Variants in DPP6 observed in about 807,000 individuals in gnomAD.
The protein encoded by DPP6 is A-type potassium channel modulatory protein DPP6.
Under a neutral mutation model 122.6 loss-of-function variants are expected in DPP6, and 69 were observed. The observed-to-expected ratio is 0.56, with a 90% CI of 0.46 to 0.69. The LOEUF is 0.69. Among genes scored for constraint, DPP6 ranks in the 30% least tolerant of loss-of-function variants. DPP6 has a pLI of 0.00. For synonymous variants in DPP6, 418 were observed against 433.1 expected, an observed-to-expected ratio of 0.97 and a Z score of 0.43; for missense variants, 928 against 1,116.9, an observed-to-expected ratio of 0.83 and a Z score of 2.41.
chr7:154,824,122 G>T (rs1799981288), intron 16 of DPP6, among the ~76,000 whole-genome samples: 1 of 152,186 alleles, frequency 6.6e-6, no homozygotes, highest in Non-Finnish European at 1.5e-5. Context: ...AGGAAACAGT[G>T]CTGCTTGACT....
At chr7:154,283,290 A>C (rs1180932504) in intron 1 of DPP6, among the ~76,000 whole-genome samples, 1 of 152,164 alleles carries the variant, frequency 6.6e-6, no homozygotes, top group African/African-American at 2.4e-5. Context: ...AGCTGTGTAA[A>C]CTTGAGCAAG....
the DPP6 span, among the ~76,000 whole-genome samples, chr7:153,801,267 T>G: frequency 0.97 from 133,736 of 137,366 alleles, 65,145 homozygotes; most frequent in East Asian, 1. Context: ...AATGTATCTA[T>G]CACTCATGAG....
At chr7:153,867,314 C>T in the DPP6 span, among the ~76,000 whole-genome samples, 1 of 152,176 alleles carries the variant, frequency 6.6e-6, no homozygotes, top group African/African-American at 2.4e-5. Context: ...TTCATATCCT[C>T]TTTTATTTCA....
intron 8 of DPP6, among the ~76,000 whole-genome samples, chr7:154,742,050 C>G (rs2131415757): frequency 6.6e-6 from 1 of 152,338 alleles, no homozygotes; most frequent in South Asian, 2.1e-4. Context: ...GGATGAGTCA[C>G]TATGGATTGC....
intron 1 of DPP6, among the ~76,000 whole-genome samples, chr7:154,412,398 C>T (rs1024494129): frequency 6.6e-6 from 1 of 152,148 alleles, no homozygotes; most frequent in Non-Finnish European, 1.5e-5. Flanking sequence ...TGGCTGGGTC[C>T]TCACCTGTCC....
chr7:154,762,902 A>C (rs1795648522), intron 8 of DPP6, among the ~76,000 whole-genome samples: 1 of 152,240 alleles, frequency 6.6e-6, no homozygotes, highest in African/African-American at 2.4e-5. Flanking sequence ...CCGATGGTGC[A>C]ATGAAACAGC....
At chr7:154,328,555 G>A (rs1808643306) in intron 1 of DPP6, among the ~76,000 whole-genome samples, 1 of 152,172 alleles carries the variant, frequency 6.6e-6, no homozygotes, top group Admixed American at 6.5e-5. Context: ...GCCTGGTGTT[G>A]TCTAAAGTAG....
chr7:154,076,864 C>T (rs919280437), intron 1 of DPP6, among the ~76,000 whole-genome samples: 4 of 151,118 alleles, frequency 2.6e-5, no homozygotes, highest in African/African-American at 9.7e-5. Flanking sequence ...AGGAATACAG[C>T]GCTTTGAAAC....
intron 16 of DPP6, among the ~76,000 whole-genome samples, chr7:154,839,425 G>C (rs530782761): frequency 9.8e-5 from 15 of 152,374 alleles, no homozygotes; most frequent in Admixed American, 7.8e-4. Flanking sequence ...TGTGGCCAAA[G>C]TGCCTGGCTT....
At chr7:154,830,700 G>A (rs1351964127) in intron 16 of DPP6, among the ~76,000 whole-genome samples, 1 of 152,224 alleles carries the variant, frequency 6.6e-6, no homozygotes, top group Non-Finnish European at 1.5e-5. Flanking sequence ...ATTTTGATCA[G>A]ATGGCTTGCA....
chr7:154,448,312 A>G (rs1435434449), intron 2 of DPP6, among the ~76,000 whole-genome samples: 1 of 152,224 alleles, frequency 6.6e-6, no homozygotes, highest in Non-Finnish European at 1.5e-5. Flanking sequence ...AAAATTAAGA[A>G]AATGATTCCA....
chr7:153,953,894 G>C (rs1802336402), intron 1 of DPP6, among the ~76,000 whole-genome samples: 1 of 152,156 alleles, frequency 6.6e-6, no homozygotes, highest in African/African-American at 2.4e-5. Context: ...CTGAAATCTG[G>C]AGGGCAGCCT....
intron 1 of DPP6, among the ~76,000 whole-genome samples, chr7:153,982,248 A>G (rs1796623707): frequency 6.6e-6 from 1 of 151,462 alleles, no homozygotes; most frequent in Non-Finnish European, 1.5e-5. Flanking sequence ...GTTTCTTTTC[A>G]TTCTTTTTTC....
At chr7:154,436,148 GT>G (rs1202623334) in intron 1 of DPP6, among the ~76,000 whole-genome samples, 1 of 151,532 alleles carries the variant, frequency 6.6e-6, no homozygotes, top group Non-Finnish European at 1.5e-5. Context: ...TTCCTATTGT[GT>G]TTTGGATAAA....
chr7:153,781,598 T>G, the DPP6 span, among the ~76,000 whole-genome samples: 4 of 151,568 alleles, frequency 2.6e-5, no homozygotes, highest in Non-Finnish European at 2.9e-5. Context: ...TCTGCTCATC[T>G]TAGGAGAGAG....
chr7:154,479,951 A>G (rs952100900), intron 3 of DPP6, among the ~76,000 whole-genome samples: 50 of 151,948 alleles, frequency 3.3e-4, no homozygotes, highest in Non-Finnish European at 6.8e-4. Flanking sequence ...AGAGCTTAGG[A>G]ACACTCCCAC....
At chr7:154,787,894 T>C (rs899790934) in intron 10 of DPP6, among the ~76,000 whole-genome samples, 2 of 152,214 alleles carry the variant, frequency 1.3e-5, no homozygotes, top group African/African-American at 4.8e-5. Context: ...CATTTCATCA[T>C]GTGTAATGCT....
chr7:154,781,410 G>A (rs866750354), intron 10 of DPP6, among the ~76,000 whole-genome samples: 1 of 152,176 alleles, frequency 6.6e-6, no homozygotes, highest in East Asian at 1.9e-4. Context: ...CTGACAGCTG[G>A]CCCTGCATTA....
chr7:154,851,359 G>A (rs1292961789), intron 16 of DPP6, among the ~76,000 whole-genome samples: 1 of 152,104 alleles, frequency 6.6e-6, no homozygotes, highest in Non-Finnish European at 1.5e-5. Flanking sequence ...TACTTAGTAG[G>A]CACTAAATAA....
Sources: allele counts gnomAD v4.1 joint callset (sites outside exome capture counted in the v4.1 genomes callset), GRCh38; gene constraint gnomAD v4.1.1; transcripts MANE v1.5; gene names NCBI Gene and HGNC (gene_info 2026-07-23, HGNC 2026-07-21).